Variants in GPER1 observed in about 807,000 individuals in gnomAD.
GPER1 encodes G protein-coupled estrogen receptor 1, also known as G protein-coupled receptor 30.
A neutral mutation model predicts 0.6 loss-of-function variants in GPER1; 2 were observed. The observed-to-expected ratio is 3.41, with a 90% CI of 1.39 to 10.72. The LOEUF (loss-of-function observed/expected upper bound fraction) is 10.72, where lower values mean the gene tolerates loss of function less well. Ranked by LOEUF, GPER1 falls within the 30% of genes most tolerant of loss-of-function variation. The pLI, the probability that GPER1 is intolerant of heterozygous loss-of-function variation, is 0.04. For missense variants in GPER1, 441 were observed against 535.2 expected, an observed-to-expected ratio of 0.82 and a Z score of 1.74; for synonymous variants, 263 against 247.6, an observed-to-expected ratio of 1.06 and a Z score of -0.58.
chr7:1,089,615 G>C (rs955406013), intron 1 of GPER1, among the ~76,000 whole-genome samples: 1 of 151,458 alleles, frequency 6.6e-6, no homozygotes. Flanking sequence ...TAGAGACAGG[G>C]TTTCGCCATG....
rs374027373 is a variant in GPER1, at chr7:1,092,034, G to A, written c.306G>A (p.Ala102=). 1.2e-4 allele frequency: 192 copies of A among 1,613,878 alleles called. No homozygotes were observed. The highest frequency in any genetic ancestry group is 1.5e-4 in the Non-Finnish European group (181 of 1,179,994). ...CCGACCTGTACTTCATCAACCTGGC[G>A]GTGGCGGACCTCATCCTGGTGGCCG... ...TIPDLYFINL[A]VADLILVADS... is the part of the protein sequence containing the mutation. The change falls in exon 2 of 2, where the codon GCG becomes GCA. Residue 102 remains alanine (A), a synonymous_variant. Transcript: ENST00000397088.
In GPER1 at chr7:1,090,293, C is replaced by T. The variant is rs538509360; in HGVS notation, c.-322-1114C>T. ...ACCAGCACCCCCCTGTGACTGCCCC[C>T]GCATCCCCAGAGACTGCCAGTGTCT... On this transcript the variant is annotated intron_variant, in intron 1 of 1. Transcript: ENST00000397088. Among the ~76,000 whole-genome samples the T allele has an allele frequency of 7.9e-5, 12 of 152,346 alleles. No individual in the cohort carries two copies. The East Asian group carries it at 9.6e-4, about 12-fold the overall frequency.
Position 1,091,699 on chromosome 7 carries a change from CAA to C in GPER1, c.-28_-27del. On this transcript the variant is annotated 5_prime_UTR_variant, in exon 2 of 2. An upstream open reading frame in the 5' UTR loses its in-frame stop. Coordinates refer to ENST00000397088, the MANE Select transcript of GPER1 (RefSeq NM_001098201.3). The stretch of plus-strand genomic sequence containing the variant: ...AAACAGAGCTCTGGGAGCCTTTCGG[CAA>C]ATCTTGAAAGCTGCACGGTGCAGAG... 1 of 1,488,684 alleles carries C rather than the reference CAA, an allele frequency of 6.7e-7. No individual in the cohort carries two copies. Among genetic ancestry groups the C allele is most frequent in the Non-Finnish European group, 9.0e-7 (1 of 1,109,398 alleles). The allele number at this position is 1,488,684 out of a possible 1,614,324, so 92.2% of individuals were successfully genotyped here.
In GPER1 at chr7:1,092,283, C is replaced by T. The variant is rs766783283; in HGVS notation, c.555C>T (p.Ser185=). The stretch of plus-strand genomic sequence containing the variant: ...GCTGTGGCCTCATCTGGATGGCATC[C>T]GTGTCAGCCACGCTGGTGCCCTTCA... The part of the protein sequence containing the change: ...RLSCGLIWMA[S]VSATLVPFTA... Residue 185 remains serine (S), a synonymous_variant, in exon 2 of 2, where the codon TCC becomes TCT. Coordinates refer to ENST00000397088, the MANE Select transcript of GPER1 (RefSeq NM_001098201.3). 34 of 1,611,726 alleles carry T rather than the reference C, an allele frequency of 2.1e-5. No homozygotes were observed. Among genetic ancestry groups the T allele is most frequent in the Middle Eastern group, 1.6e-4 (1 of 6,082 alleles).
chr7:1,092,948 A>C lies in GPER1; in HGVS notation c.*92A>C. On this transcript the variant is annotated 3_prime_UTR_variant, in exon 2 of 2. Transcript: ENST00000397088. ...AGGCACGGCCACGTCATGTCTCTAA[A>C]CTGCGGTCAGATGTGGCTTCTGGCT... The C allele has an allele frequency of 8.1e-7, 1 of 1,234,444 alleles. No individual in the cohort carries two copies. Among genetic ancestry groups the C allele is most frequent in the Non-Finnish European group, 1.2e-6 (1 of 854,720 alleles). 76.5% of individuals were successfully genotyped at this position (1,234,444 alleles called of 1,614,324 possible). A position where few individuals can be genotyped will look rare whatever the true frequency, so the allele number is the denominator to read the frequency against.
Position 1,092,059 on chromosome 7 carries a change from G to A in GPER1, c.331G>A (p.Asp111Asn). The A allele has an allele frequency of 6.2e-7, 1 of 1,613,958 alleles. No homozygotes were observed. Among genetic ancestry groups the A allele is most frequent in the Non-Finnish European group, 8.5e-7 (1 of 1,179,978 alleles). Residue 111 changes from aspartate to asparagine, a missense_variant, in exon 2 of 2, where the codon GAC becomes AAC. Physicochemically the swap from Asp to Asn is conservative, Grantham distance 23. Transcript: ENST00000397088. Reference sequence around the variant, plus strand: ...GGTGGCGGACCTCATCCTGGTGGCCGACTCCCTCATTGAGGTGTTCAACCT... The same window carrying A: ...GGTGGCGGACCTCATCCTGGTGGCCAACTCCCTCATTGAGGTGTTCAACCT... ...LAVADLILVA[D>N]SLIEVFNLHE...
At chr7:1,087,409 G>T (rs79197902), upstream of GPER1, among the ~76,000 whole-genome samples, 6,971 of 152,364 alleles carry the variant, frequency 0.046, 218 homozygotes, top group Middle Eastern at 0.11. Flanking sequence ...GGTACAGAAT[G>T]AGAAAGCTAA....
chr7:1,091,971 G>A lies in GPER1; in HGVS notation c.243G>A (p.Leu81=), dbSNP rs547398470. ...PIGFVGNILI[L]VVNISFREKM... ...GCTTTGTGGGCAACATCCTGATCCT[G>A]GTGGTGAACATCAGCTTCCGCGAGA... The change falls in exon 2 of 2, where the codon CTG becomes CTA. Residue 81 remains leucine (L), a synonymous_variant. Transcript: ENST00000397088. The A allele has an allele frequency of 6.2e-7, 1 of 1,614,106 alleles. No homozygotes were observed. Among genetic ancestry groups the A allele is most frequent in the African/African-American group, 1.3e-5 (1 of 75,056 alleles).
chr7:1,091,213 T>A (rs1272665422), intron 1 of GPER1, among the ~76,000 whole-genome samples, 194 bp from the exon 2 acceptor site: 2 of 152,182 alleles, frequency 1.3e-5, no homozygotes, highest in African/African-American at 4.8e-5. Flanking sequence ...AAGAAGGCCA[T>A]GTACTTCCCA....
chr7:1,087,845 C>T (rs1443383928), upstream of GPER1, among the ~76,000 whole-genome samples: 2 of 152,172 alleles, frequency 1.3e-5, no homozygotes, highest in African/African-American at 2.4e-5. Context: ...AGGTTATTGC[C>T]TAAAAGATAC....
chr7:1,090,360 A>G (rs1787832277), intron 1 of GPER1, among the ~76,000 whole-genome samples: 1 of 152,242 alleles, frequency 6.6e-6, no homozygotes, highest in African/African-American at 2.4e-5. Flanking sequence ...GAGAACTTCC[A>G]GGAGCACAGT....
Position 1,091,584 on chromosome 7 carries a change from G to T in GPER1, c.-145G>T, listed in dbSNP as rs1787980726. 4.3e-6 allele frequency: 3 copies of T among 693,168 alleles called. No homozygotes were observed. The highest frequency in any genetic ancestry group is 7.5e-6 in the Non-Finnish European group (3 of 398,196). The allele number at this position is 693,168 out of a possible 1,614,324, so 42.9% of individuals were successfully genotyped here. A position where few individuals can be genotyped will look rare whatever the true frequency, so the allele number is the denominator to read the frequency against. On this transcript the variant is annotated 5_prime_UTR_variant, in exon 2 of 2. Transcript: ENST00000397088. ...ACAAACCCAACCCAAACCACCACAGGTGCTCCTCCTGGGGAGTTTCCTGTC... is the reference window on the plus strand; with the variant it reads ...ACAAACCCAACCCAAACCACCACAGTTGCTCCTCCTGGGGAGTTTCCTGTC...
chr7:1,091,485 G>A lies in GPER1; in HGVS notation c.-244G>A, dbSNP rs1027461481. 2.2e-5 allele frequency: 11 copies of A among 490,302 alleles called. No individual in the cohort carries two copies. Among genetic ancestry groups the A allele is most frequent in the Admixed American group, 7.6e-5 (2 of 26,452 alleles). 30.4% of individuals were successfully genotyped at this position (490,302 alleles called of 1,614,324 possible). A position where few individuals can be genotyped will look rare whatever the true frequency, so the allele number is the denominator to read the frequency against. ...GCAGGGACGCCCGCCGGACGAGCAC[G>A]CGGAGGGCCCTCGCCTCCACGGATG... On this transcript the variant is annotated 5_prime_UTR_variant, in exon 2 of 2. Transcript: ENST00000397088.
At position 1,091,474 on chromosome 7, in the gene GPER1, C is replaced by T. The variant is rs905774134; in HGVS notation, c.-255C>T. 1.9e-5 allele frequency: 9 copies of T among 470,054 alleles called. No individual in the cohort carries two copies. Among genetic ancestry groups the T allele is most frequent in the South Asian group, 4.1e-5 (1 of 24,524 alleles). The allele number at this position is 470,054 out of a possible 1,614,324, so 29.1% of individuals were successfully genotyped here. On this transcript the variant is annotated 5_prime_UTR_variant, in exon 2 of 2. Coordinates refer to ENST00000397088, the MANE Select transcript of GPER1 (RefSeq NM_001098201.3). ...GGCCGACACCCGCAGGGACGCCCGC[C>T]GGACGAGCACGCGGAGGGCCCTCGC... is the stretch of plus-strand genomic sequence containing the variant.
At position 1,092,589 on chromosome 7, in the gene GPER1, G is replaced by A. The variant is rs538484749; in HGVS notation, c.861G>A (p.Thr287=). Residue 287 remains threonine (T), a synonymous_variant, in exon 2 of 2, where the codon ACG becomes ACA. Transcript: ENST00000397088. ...TCAGCGTGCACCTCCTGCAGCGGAC[G>A]CAGCCTGGGGCCGCTCCCTGCAAGC... ...VFISVHLLQR[T]QPGAAPCKQS... is the part of the protein sequence containing the mutation. 14 of 1,611,144 alleles carry A rather than the reference G, an allele frequency of 8.7e-6. No homozygotes were observed. Among genetic ancestry groups the A allele is most frequent in the South Asian group, 5.5e-5 (5 of 91,082 alleles).
At chr7:1,089,399 CAGGCTCG>C (rs1051690579) in intron 1 of GPER1, among the ~76,000 whole-genome samples, 15 of 150,796 alleles carry the variant, frequency 9.9e-5, no homozygotes, top group African/African-American at 3.2e-4. Context: ...TGCAGTAGCT[CAGGCTCG>C]AGTGCAGTGG....
Position 1,092,523 on chromosome 7 carries a change from G to A in GPER1, c.795G>A (p.Val265=). The part of the protein sequence containing the change: ...QKALRMILAV[V]LVFFVCWLPE... The stretch of plus-strand genomic sequence containing the variant: ...CGCTCCGCATGATCCTCGCGGTGGT[G>A]CTGGTCTTCTTCGTCTGCTGGCTGC... The change falls in exon 2 of 2, where the codon GTG becomes GTA. Residue 265 remains valine, a synonymous_variant. Coordinates refer to ENST00000397088, the MANE Select transcript of GPER1 (RefSeq NM_001098201.3). 1.2e-6 allele frequency: 2 copies of A among 1,608,212 alleles called. No individual in the cohort carries two copies. Among genetic ancestry groups the A allele is most frequent in the Non-Finnish European group, 1.7e-6 (2 of 1,179,938 alleles).
At chr7:1,089,936 T>A (rs1039618867) in intron 1 of GPER1, among the ~76,000 whole-genome samples, 2 of 151,536 alleles carry the variant, frequency 1.3e-5, no homozygotes, top group African/African-American at 4.9e-5. Context: ...TATAAAACAT[T>A]AGCCAGGCGT....
intron 1 of GPER1, among the ~76,000 whole-genome samples, chr7:1,090,713 G>A (rs1443155220): frequency 2.0e-5 from 3 of 152,244 alleles, no homozygotes; most frequent in African/African-American, 7.2e-5. Flanking sequence ...GGATAAGCTC[G>A]GGAGGGACTC....
Sources: allele counts gnomAD v4.1 joint callset (sites outside exome capture counted in the v4.1 genomes callset), GRCh38; gene constraint gnomAD v4.1.1; transcripts MANE v1.5; gene names NCBI Gene and HGNC (gene_info 2026-07-23, HGNC 2026-07-21).